Variants in LPCAT2 observed in about 807,000 individuals in gnomAD.
LPCAT2 encodes lysophosphatidylcholine acyltransferase 2.
Under a neutral mutation model 64.7 loss-of-function variants are expected in LPCAT2, and 58 were observed. That is an observed-to-expected ratio of 0.90 (90% CI 0.73 to 1.12). The LOEUF (loss-of-function observed/expected upper bound fraction) is 1.12. LPCAT2 is among the 50% of genes most tolerant of loss of function. The probability of loss-of-function intolerance (pLI) is 0.00; values close to 1 mark genes in which losing one functional copy is unlikely to be tolerated. For missense variants in LPCAT2, 579 were observed against 669.8 expected, an observed-to-expected ratio of 0.86 and a Z score of 1.50; for synonymous variants, 252 against 245.3, an observed-to-expected ratio of 1.03 and a Z score of -0.26.
intron 11 of LPCAT2, among the ~76,000 whole-genome samples, chr16:55,564,143 A>G (rs1367639823): frequency 3.3e-5 from 5 of 152,086 alleles, no homozygotes; most frequent in Admixed American, 3.3e-4. Flanking sequence ...ATAGACTTCA[A>G]GAAGGAAGCT....
At chr16:55,552,813 T>C (rs1437676166) in intron 11 of LPCAT2, among the ~76,000 whole-genome samples, 2 of 152,228 alleles carry the variant, frequency 1.3e-5, no homozygotes, top group Admixed American at 6.5e-5. Context: ...ATGGATTGTC[T>C]TGCCTCAGTG....
chr16:55,570,841 C>T (rs1025285359), intron 11 of LPCAT2, among the ~76,000 whole-genome samples: 1 of 152,086 alleles, frequency 6.6e-6, no homozygotes, highest in African/African-American at 2.4e-5. Flanking sequence ...TCAGTTAAAT[C>T]GAATACTTCT....
chr16:55,572,132 A>G (rs1026894070), intron 11 of LPCAT2, among the ~76,000 whole-genome samples: 4 of 152,164 alleles, frequency 2.6e-5, no homozygotes, highest in Non-Finnish European at 4.4e-5. Flanking sequence ...TCGTATGTTA[A>G]TGAAATTAGG....
rs1439106961 is a variant in LPCAT2 at position 55,584,982 on chromosome 16, AACC to A, written c.*1887_*1889del. ...ATCATGACTACTTTTATCAAAGAAAAACCACACATTAATCCTATTAATCATGAA... is the reference window on the plus strand; with the variant it reads ...ATCATGACTACTTTTATCAAAGAAAAACACATTAATCCTATTAATCATGAA... On this transcript the variant is annotated 3_prime_UTR_variant, in exon 14 of 14. Transcript: ENST00000262134. 1 of 152,196 alleles carries A rather than the reference AACC, an allele frequency of 6.6e-6. No individual in the cohort carries two copies. The highest frequency in any genetic ancestry group is 1.9e-4 in the East Asian group (1 of 5,204). 9.4% of individuals were successfully genotyped at this position (152,196 alleles called of 1,614,324 possible).
chr16:55,550,618 T>C (rs1173502325), intron 10 of LPCAT2, among the ~76,000 whole-genome samples: 1 of 152,196 alleles, frequency 6.6e-6, no homozygotes, highest in African/African-American at 2.4e-5. Flanking sequence ...AAGTATCCTT[T>C]AAAAGATTAA....
At chr16:55,517,678 C>T (rs1583588) in intron 1 of LPCAT2, among the ~76,000 whole-genome samples, 6 of 151,818 alleles carry the variant, frequency 4.0e-5, no homozygotes, top group African/African-American at 1.5e-4. Context: ...ATGTAATGTT[C>T]GTTCAACATA....
intron 1 of LPCAT2, among the ~76,000 whole-genome samples, chr16:55,522,739 G>T (rs1039564974): frequency 2.6e-5 from 4 of 151,728 alleles, no homozygotes; most frequent in Middle Eastern, 6.8e-3. Flanking sequence ...TTTTGGTGCT[G>T]CAACAACTGG....
intron 11 of LPCAT2, chr16:55,566,645 A>G: frequency 8.9e-7 from 1 of 1,126,774 alleles, no homozygotes; most frequent in South Asian, 1.6e-5. Flanking sequence ...GGTGCAGTGT[A>G]AGCAGGTAAA....
chr16:55,553,670 A>G (rs1390473244), intron 11 of LPCAT2, among the ~76,000 whole-genome samples: 3 of 152,198 alleles, frequency 2.0e-5, no homozygotes, highest in Admixed American at 6.5e-5. Flanking sequence ...ACCTCCTTCT[A>G]TGAATCATGA....
chr16:55,566,089 T>C (rs1032936945), intron 11 of LPCAT2, among the ~76,000 whole-genome samples: 2 of 152,164 alleles, frequency 1.3e-5, no homozygotes, highest in Non-Finnish European at 2.9e-5. Context: ...CCATTTGTGA[T>C]TTATATGATA....
At chr16:55,518,160 A>C (rs1188247795) in intron 1 of LPCAT2, among the ~76,000 whole-genome samples, 1 of 152,192 alleles carries the variant, frequency 6.6e-6, no homozygotes, top group African/African-American at 2.4e-5. Context: ...ACAATCTAAA[A>C]ATGAAATTTA....
At chr16:55,539,613 C>T (rs953927786) in intron 8 of LPCAT2, 3 of 152,036 alleles carry the variant, frequency 2.0e-5, no homozygotes, top group Non-Finnish European at 4.4e-5. Context: ...AAATGTATCC[C>T]AGCAGCCCTT....
chr16:55,536,149 C>A (rs773067257), intron 7 of LPCAT2, among the ~76,000 whole-genome samples: 1 of 152,162 alleles, frequency 6.6e-6, no homozygotes, highest in African/African-American at 2.4e-5. Context: ...TCTGTTACTT[C>A]TAAATCTGTT....
At chr16:55,520,290 T>G (rs937751675) in intron 1 of LPCAT2, among the ~76,000 whole-genome samples, 1 of 152,084 alleles carries the variant, frequency 6.6e-6, no homozygotes, top group Non-Finnish European at 1.5e-5. Flanking sequence ...ATATCAGATA[T>G]AAAGAGGAAC....
Position 55,583,352 on chromosome 16 carries a change from G to T in LPCAT2, c.*254G>T. On this transcript the variant is annotated 3_prime_UTR_variant, in exon 14 of 14. Coordinates refer to ENST00000262134, the MANE Select transcript of LPCAT2 (RefSeq NM_017839.5). The stretch of plus-strand genomic sequence containing the variant: ...TTACTGGTGATACATATGTTTTTAT[G>T]GATTTTCCAGTTTAATTTGCATATA... 3.1e-6 allele frequency: 1 copy of T among 322,530 alleles called. No individual in the cohort carries two copies. The highest frequency in any genetic ancestry group is 5.8e-6 in the Non-Finnish European group (1 of 173,816). 20.0% of individuals were successfully genotyped at this position (322,530 alleles called of 1,614,324 possible). A position where few individuals can be genotyped will look rare whatever the true frequency, so the allele number is the denominator to read the frequency against.
intron 8 of LPCAT2, among the ~76,000 whole-genome samples, chr16:55,544,358 C>A (rs1963429714): frequency 6.6e-6 from 1 of 152,074 alleles, no homozygotes; most frequent in Admixed American, 6.5e-5. Context: ...ATATAAAATA[C>A]CCAGCACACA....
chr16:55,546,945 G>A (rs983909522), intron 9 of LPCAT2, among the ~76,000 whole-genome samples: 1 of 152,040 alleles, frequency 6.6e-6, no homozygotes, highest in East Asian at 1.9e-4. Context: ...TCAGGAGTTC[G>A]AGACCAGCCT....
intron 11 of LPCAT2, chr16:55,567,618 C>A: frequency 3.0e-6 from 3 of 1,001,794 alleles, no homozygotes; most frequent in African/African-American, 1.6e-5. Flanking sequence ...CAAGCTCTTT[C>A]ACAACCCTAC....
chr16:55,548,546 G>C lies in LPCAT2; in HGVS notation c.936-731G>C, dbSNP rs1807748313. Among the ~76,000 whole-genome samples the C allele has an allele frequency of 2.6e-5, 4 of 151,972 alleles. No homozygotes were observed. The South Asian group carries it at 8.3e-4, about 32-fold the overall frequency. The stretch of plus-strand genomic sequence containing the variant: ...TTTTATTTTATTTATTTTTTGATAT[G>C]GGGTTTCCCTCTGTCACCCAGGCTG... On this transcript the variant is annotated intron_variant, in intron 9 of 13. Coordinates refer to ENST00000262134, the MANE Select transcript of LPCAT2 (RefSeq NM_017839.5).
Sources: allele counts gnomAD v4.1 joint callset (sites outside exome capture counted in the v4.1 genomes callset), GRCh38; gene constraint gnomAD v4.1.1; transcripts MANE v1.5; gene names NCBI Gene and HGNC (gene_info 2026-07-23, HGNC 2026-07-21).